Variants in FBXW8 observed in about 807,000 individuals in gnomAD.
FBXW8 encodes the protein F-box/WD repeat-containing protein 8.
A neutral mutation model predicts 65.3 loss-of-function variants in FBXW8; 57 were observed. The observed-to-expected ratio is 0.87, with a 90% CI of 0.71 to 1.09. The LOEUF (loss-of-function observed/expected upper bound fraction) is 1.09. FBXW8 is among the 50% of genes least tolerant of loss of function. FBXW8 has a pLI of 0.00. For synonymous variants in FBXW8, 308 were observed against 330.2 expected (o/e 0.93, Z 0.73); for missense variants, 777 against 814.8 (o/e 0.95, Z 0.57).
intron 7 of FBXW8, among the ~76,000 whole-genome samples, chr12:117,004,656 A>G (rs1953633381): frequency 6.6e-6 from 1 of 152,200 alleles, no homozygotes; most frequent in Admixed American, 6.5e-5. Context: ...GTTTCTGGGT[A>G]AGCTCTCTGC....
intron 1 of FBXW8, among the ~76,000 whole-genome samples, chr12:116,921,246 TTC>T (rs1264503402): frequency 2.2e-4 from 33 of 152,250 alleles, no homozygotes; most frequent in Admixed American, 2.0e-3. Context: ...GCTGGTTAGA[TTC>T]TATAGTATTA....
At chr12:116,914,032 A>G (rs1258924303) in intron 1 of FBXW8, among the ~76,000 whole-genome samples, 2 of 152,088 alleles carry the variant, frequency 1.3e-5, no homozygotes, top group Admixed American at 6.5e-5. Flanking sequence ...ACCACTTTGG[A>G]GGCCAAGCCA....
chr12:116,952,331 T>C (rs569369430), intron 4 of FBXW8, among the ~76,000 whole-genome samples: 1 of 152,330 alleles, frequency 6.6e-6, no homozygotes, highest in Non-Finnish European at 1.5e-5. Context: ...CCCTGTCGTT[T>C]AGTGACACGA....
rs376094234 is a variant in FBXW8 at position 117,027,400 on chromosome 12, G to A, written c.1548G>A (p.Pro516=). The part of the protein sequence containing the change: ...QKLWEVYSGH[P]VQHISFSSHS... ...CTCTCCCACTGCCTTCCAGGCACCC[G>A]GTGCAGCACATCTCATTCAGCAGCC... The change falls in exon 10 of 11, where the codon CCG becomes CCA. Residue 516 remains proline, a synonymous_variant. Transcript: ENST00000652555. 4.8e-5 allele frequency: 77 copies of A among 1,613,708 alleles called. 1 individual carries two copies. In the East Asian group the frequency reaches 1.3e-3, roughly 28 times the overall value.
Position 116,936,828 on chromosome 12 carries a change from C to T in FBXW8, c.424-8536C>T, listed in dbSNP as rs541006491. Among the ~76,000 whole-genome samples, 131 of 152,134 alleles carry T rather than the reference C, an allele frequency of 8.6e-4. No homozygotes were observed. Among genetic ancestry groups the T allele is most frequent in the Non-Finnish European group, 1.1e-3 (72 of 68,002 alleles). ...AGGAGAGGACTCAGGATGTGATAAGCGTTTAATCCATTAAAAGAACTCGAA... is the reference window on the plus strand; with the variant it reads ...AGGAGAGGACTCAGGATGTGATAAGTGTTTAATCCATTAAAAGAACTCGAA... On this transcript the variant is annotated intron_variant, in intron 2 of 10. Coordinates refer to ENST00000652555, the MANE Select transcript of FBXW8 (RefSeq NM_153348.3). This position sits in a 1 kb window ranked among gnomAD's most constrained non-coding sequence, Gnocchi z 4.6.
intron 3 of FBXW8, 58 bp downstream of exon 3, chr12:116,945,586 C>T: frequency 6.5e-7 from 1 of 1,539,218 alleles, no homozygotes. Flanking sequence ...ACATGGGAAT[C>T]CAAGCTTTCA....
At chr12:116,928,311 G>A (rs893626561) in intron 2 of FBXW8, among the ~76,000 whole-genome samples, 184 bp downstream of exon 2, 1 of 152,152 alleles carries the variant, frequency 6.6e-6, no homozygotes, top group African/African-American at 2.4e-5. Context: ...ATCACTACTC[G>A]GTGTGTATCT....
intron 1 of FBXW8, among the ~76,000 whole-genome samples, chr12:116,914,616 C>T (rs1374689506): frequency 6.7e-6 from 1 of 150,122 alleles, no homozygotes; most frequent in Non-Finnish European, 1.5e-5. Context: ...TGGCTCATAC[C>T]TGTAATCCCA....
chr12:117,022,890 T>C (rs1592970796), intron 8 of FBXW8, among the ~76,000 whole-genome samples: 1 of 152,204 alleles, frequency 6.6e-6, no homozygotes, highest in African/African-American at 2.4e-5. Context: ...TTGTGATCCA[T>C]GGGCAGCTCT....
At chr12:117,000,063 G>A (rs1403270138) in intron 7 of FBXW8, among the ~76,000 whole-genome samples, 2 of 146,350 alleles carry the variant, frequency 1.4e-5, no homozygotes, top group South Asian at 4.3e-4. Context: ...CTCACTGCAA[G>A]CTCCGCCTCC....
At chr12:116,937,490 C>T (rs1882249055) in intron 2 of FBXW8, among the ~76,000 whole-genome samples, 1 of 152,154 alleles carries the variant, frequency 6.6e-6, no homozygotes, top group African/African-American at 2.4e-5. Flanking sequence ...ATGTGTCGTT[C>T]CTTGGGACCA....
Position 116,990,189 on chromosome 12 carries a change from A to G in FBXW8, c.1239+1320A>G, listed in dbSNP as rs147728169. On this transcript the variant is annotated intron_variant, in intron 7 of 10. Coordinates refer to ENST00000652555, the MANE Select transcript of FBXW8 (RefSeq NM_153348.3). ...AGGAAGATAGACTAAGCGGTAGACG[A>G]TATGTGTGGCATCCTATCATCTCAA... Among the ~76,000 whole-genome samples the G allele has an allele frequency of 8.5e-5, 13 of 152,310 alleles. No homozygotes were observed. In the East Asian group the frequency reaches 2.5e-3, roughly 29 times the overall value.
intron 10 of FBXW8, 123 bp from the exon 11 acceptor site, chr12:117,027,905 A>G: frequency 7.7e-7 from 1 of 1,298,062 alleles, no homozygotes; most frequent in Non-Finnish European, 1.1e-6. Context: ...TGCCCAGAGA[A>G]CGCGTTTGTG....
At chr12:117,010,475 C>G in intron 8 of FBXW8, 25 bp downstream of exon 8, 1 of 1,614,124 alleles carries the variant, frequency 6.2e-7, no homozygotes, top group Non-Finnish European at 8.5e-7. Context: ...AGGGCATTGC[C>G]TTGCAGCCCC....
chr12:116,920,929 C>T (rs1458930378), intron 1 of FBXW8, among the ~76,000 whole-genome samples: 2 of 152,166 alleles, frequency 1.3e-5, no homozygotes, highest in Non-Finnish European at 1.5e-5. Flanking sequence ...TGAAGCTTCT[C>T]CTCTTCCTGT....
At chr12:117,016,657 T>TC in intron 8 of FBXW8, among the ~76,000 whole-genome samples, 1 of 150,862 alleles carries the variant, frequency 6.6e-6, no homozygotes, top group South Asian at 2.1e-4. Flanking sequence ...TTTTTTTTTT[T>TC]CCTTTTGTCA....
rs186245431 is a variant in FBXW8, at chr12:116,941,368, A to G, written c.424-3996A>G. ...TGACACTTAGATTCAGAAAAATGAC[A>G]GCTTTGTCACTTATTTATGCCACGT... On this transcript the variant is annotated intron_variant, in intron 2 of 10. Coordinates refer to ENST00000652555, the MANE Select transcript of FBXW8 (RefSeq NM_153348.3). Among the ~76,000 whole-genome samples the G allele has an allele frequency of 2.3e-3, 354 of 152,300 alleles. 3 individuals carry two copies. The highest frequency in any genetic ancestry group is 8.1e-3 in the African/African-American group (337 of 41,560).
intron 8 of FBXW8, among the ~76,000 whole-genome samples, chr12:117,011,113 GTTT>G (rs1196874793): frequency 7.7e-6 from 1 of 129,706 alleles, no homozygotes; most frequent in Non-Finnish European, 1.6e-5. Flanking sequence ...TTCTTTCCTT[GTTT>G]TTTTCTTTTC....
intron 8 of FBXW8, among the ~76,000 whole-genome samples, chr12:117,016,025 G>A (rs1953940199): frequency 6.6e-6 from 1 of 152,096 alleles, no homozygotes; most frequent in African/African-American, 2.4e-5. Flanking sequence ...TCCTTTTTCT[G>A]GCCAAGTAAT....
Sources: allele counts gnomAD v4.1 joint callset (sites outside exome capture counted in the v4.1 genomes callset), GRCh38; gene constraint gnomAD v4.1.1; non-coding constraint Gnocchi (gnomAD v3.1); transcripts MANE v1.5; gene names NCBI Gene and HGNC (gene_info 2026-07-23, HGNC 2026-07-21).